Variants in PDE4D observed in about 807,000 individuals in gnomAD.
PDE4D encodes the protein phosphodiesterase 4D.
Under a neutral mutation model 87.4 loss-of-function variants are expected in PDE4D, and 24 were observed. The ratio of observed to expected loss-of-function variants is 0.27; its 90% CI spans 0.20 to 0.39. The LOEUF (loss-of-function observed/expected upper bound fraction) is 0.39. PDE4D is among the 10% of genes least tolerant of loss of function. PDE4D has a pLI of 1.00. For synonymous variants in PDE4D, 384 were observed against 383.2 expected (o/e 1.00, Z -0.02); for missense variants, 714 against 1,041.0 (o/e 0.69, Z 4.32).
chr5:60,283,021 T>C (rs1752087792), intron 1 of PDE4D, among the ~76,000 whole-genome samples: 1 of 152,220 alleles, frequency 6.6e-6, no homozygotes, highest in Admixed American at 6.5e-5. Context: ...AAAATGTTGA[T>C]GCAGTTATTT....
intron 1 of PDE4D, among the ~76,000 whole-genome samples, chr5:59,761,039 C>T (rs538747234): frequency 6.6e-6 from 1 of 152,274 alleles, no homozygotes; most frequent in South Asian, 2.1e-4. Context: ...AGTGTACTTA[C>T]ACAAACCTAG....
chr5:59,707,479 G>A (rs1753596152), intron 1 of PDE4D, among the ~76,000 whole-genome samples: 1 of 152,022 alleles, frequency 6.6e-6, no homozygotes, highest in Non-Finnish European at 1.5e-5. Flanking sequence ...CCCATAGCCT[G>A]TTTTTGAAAT....
chr5:59,726,693 T>C (rs1314229298), intron 1 of PDE4D, among the ~76,000 whole-genome samples: 1 of 152,120 alleles, frequency 6.6e-6, no homozygotes, highest in Admixed American at 6.6e-5. Context: ...CGTAATATCG[T>C]TTTAGTTATA....
chr5:59,183,196 A>T (rs1231416189), intron 4 of PDE4D, among the ~76,000 whole-genome samples: 1 of 152,194 alleles, frequency 6.6e-6, no homozygotes. Context: ...TTGAATCAGT[A>T]ATGGAGGCAC....
At chr5:59,071,683 CTTTTTTTTTT>C (rs10701223) in intron 5 of PDE4D, among the ~76,000 whole-genome samples, 1 of 82,406 alleles carries the variant, frequency 1.2e-5, no homozygotes, top group African/African-American at 5.0e-5. Context: ...TATTTCTCTT[CTTTTTTTTTT>C]TTTTTTTTTT....
chr5:60,443,654 A>G (rs1745417322), intron 1 of PDE4D, among the ~76,000 whole-genome samples: 1 of 152,194 alleles, frequency 6.6e-6, no homozygotes, highest in African/African-American at 2.4e-5. Context: ...AAAGAATCCA[A>G]GAAGTAAACA....
intron 2 of PDE4D, among the ~76,000 whole-genome samples, chr5:60,092,417 A>G (rs2149313005): frequency 6.6e-6 from 1 of 152,218 alleles, no homozygotes; most frequent in East Asian, 1.9e-4. Context: ...TTATATTGCA[A>G]AATAGCTAGA....
intron 1 of PDE4D, among the ~76,000 whole-genome samples, chr5:60,419,667 G>C (rs1427965650): frequency 6.6e-6 from 1 of 152,088 alleles, no homozygotes; most frequent in Non-Finnish European, 1.5e-5. Context: ...TTGTAAACTA[G>C]AAACAATTGC....
intron 1 of PDE4D, among the ~76,000 whole-genome samples, chr5:59,855,386 T>C (rs1255471124): frequency 6.6e-6 from 1 of 152,082 alleles, no homozygotes; most frequent in Non-Finnish European, 1.5e-5. Context: ...ATTTAAGAAA[T>C]CTGAAAGTCA....
chr5:59,259,715 T>C (rs1761636810), intron 1 of PDE4D, among the ~76,000 whole-genome samples: 1 of 151,816 alleles, frequency 6.6e-6, no homozygotes, highest in South Asian at 2.1e-4. Context: ...GTATCTTTCA[T>C]GTAGCATTAA....
At chr5:59,834,075 T>C (rs1741647681) in intron 1 of PDE4D, among the ~76,000 whole-genome samples, 1 of 152,028 alleles carries the variant, frequency 6.6e-6, no homozygotes, top group African/African-American at 2.4e-5. Flanking sequence ...AGGCTCATAA[T>C]ACCAAGTTGC....
At chr5:59,555,045 T>C (rs1465603360) in intron 1 of PDE4D, among the ~76,000 whole-genome samples, 1 of 152,132 alleles carries the variant, frequency 6.6e-6, no homozygotes, top group Non-Finnish European at 1.5e-5. Flanking sequence ...TAAAGGCACA[T>C]GCACACATAT....
chr5:60,066,868 G>T (rs574574086), intron 2 of PDE4D, among the ~76,000 whole-genome samples: 2 of 152,156 alleles, frequency 1.3e-5, no homozygotes, highest in African/African-American at 4.8e-5. Flanking sequence ...CTATAATCCA[G>T]CAGGAAGCTC....
At chr5:60,172,059 A>C (rs1167907055) in intron 2 of PDE4D, among the ~76,000 whole-genome samples, 1 of 148,528 alleles carries the variant, frequency 6.7e-6, no homozygotes, top group Non-Finnish European at 1.5e-5. Flanking sequence ...AAGTTACATA[A>C]AATATTAGTG....
At chr5:60,228,016 G>A (rs938856502) in intron 1 of PDE4D, among the ~76,000 whole-genome samples, 3 of 151,670 alleles carry the variant, frequency 2.0e-5, no homozygotes, top group African/African-American at 7.3e-5. Flanking sequence ...CCTCAAGGTC[G>A]CCTGCTGGAA....
chr5:60,458,181 T>G (rs1746624976), intron 1 of PDE4D, among the ~76,000 whole-genome samples: 1 of 152,016 alleles, frequency 6.6e-6, no homozygotes, highest in African/African-American at 2.4e-5. Flanking sequence ...GGCCAGGATT[T>G]TGAGACCAGC....
chr5:59,215,484 G>T, intron 2 of PDE4D: 1 of 354,978 alleles, frequency 2.8e-6, no homozygotes, highest in East Asian at 6.9e-5. Context: ...TGATTTAAGT[G>T]TTAGTTTCCA....
At chr5:60,417,989 A>G (rs893260722) in intron 1 of PDE4D, among the ~76,000 whole-genome samples, 4 of 152,348 alleles carry the variant, frequency 2.6e-5, no homozygotes, top group African/African-American at 9.6e-5. Flanking sequence ...TATACTGCAG[A>G]CAAGAACCTG....
intron 1 of PDE4D, among the ~76,000 whole-genome samples, chr5:60,210,512 C>A (rs114075796): frequency 2.0e-5 from 3 of 151,802 alleles, no homozygotes; most frequent in Non-Finnish European, 4.4e-5. Context: ...CACCAGGAAG[C>A]GAATTAAATT....
Sources: allele counts gnomAD v4.1 joint callset (sites outside exome capture counted in the v4.1 genomes callset), GRCh38; gene constraint gnomAD v4.1.1; transcripts MANE v1.5; gene names NCBI Gene and HGNC (gene_info 2026-07-23, HGNC 2026-07-21).